Variants in CACNB4 observed in about 807,000 individuals in gnomAD.
CACNB4 encodes the protein calcium voltage-gated channel auxiliary subunit beta 4, also known as voltage-dependent L-type calcium channel subunit beta-4.
Under a neutral mutation model 71.2 loss-of-function variants are expected in CACNB4, and 32 were observed. The ratio of observed to expected loss-of-function variants is 0.45; its 90% CI spans 0.34 to 0.60. The LOEUF is 0.60. Among genes scored for constraint, CACNB4 ranks in the 20% least tolerant of loss-of-function variants. The probability of loss-of-function intolerance (pLI) is 0.01; values close to 1 mark genes in which losing one functional copy is unlikely to be tolerated. For synonymous variants in CACNB4, 231 were observed against 236.9 expected (o/e 0.97, Z 0.23); for missense variants, 464 against 647.9 (o/e 0.72, Z 3.08).
intron 2 of CACNB4, among the ~76,000 whole-genome samples, chr2:152,075,981 G>A (rs1447573760): frequency 6.6e-6 from 1 of 152,114 alleles, no homozygotes; most frequent in Non-Finnish European, 1.5e-5. Flanking sequence ...CCAAACTGTA[G>A]CTAATATCCC....
chr2:151,924,930 C>T (rs527960025), intron 2 of CACNB4, among the ~76,000 whole-genome samples: 4 of 152,154 alleles, frequency 2.6e-5, no homozygotes, highest in South Asian at 2.1e-4. Flanking sequence ...GCAATGCTTC[C>T]GGATGAAACT....
Position 151,838,418 on chromosome 2 carries a change from A to G in CACNB4, c.*701T>C, listed in dbSNP as rs191856472. 3.9e-5 allele frequency: 6 copies of G among 152,764 alleles called. No individual in the cohort carries two copies. Among genetic ancestry groups the G allele is most frequent in the African/African-American group, 1.4e-4 (6 of 41,574 alleles). The allele number at this position is 152,764 out of a possible 1,614,324, so 9.5% of individuals were successfully genotyped here. ...ACAAAAAGCAAAACACTTTGAATAC[A>G]ACAGCTGTGCCAGGAAAGAAATAAA... On this transcript the variant is annotated 3_prime_UTR_variant, in exon 14 of 14. Transcript: ENST00000539935.
intron 2 of CACNB4, among the ~76,000 whole-genome samples, chr2:151,942,324 A>G (rs1359844841): frequency 6.7e-6 from 1 of 149,224 alleles, no homozygotes; most frequent in South Asian, 2.1e-4. Context: ...TCCGTTCCCA[A>G]ATAATACTTT....
At position 152,057,432 on chromosome 2, in the gene CACNB4, C is replaced by T. The variant is rs552691770; in HGVS notation, c.147+40898G>A. On this transcript the variant is annotated intron_variant, in intron 2 of 13. Transcript: ENST00000539935. The stretch of plus-strand genomic sequence containing the variant: ...TTCATGCAACAATAATTAAGGAATA[C>T]AAAAACCTAAAAATAAACAAACTGC... Among the ~76,000 whole-genome samples the T allele has an allele frequency of 1.4e-4, 21 of 152,248 alleles. No homozygotes were observed. In the South Asian group the frequency reaches 3.9e-3, roughly 29 times the overall value.
At position 151,835,652 on chromosome 2, in the gene CACNB4, TA is replaced by T. The variant is rs2099834743; in HGVS notation, c.*3466del. On this transcript the variant is annotated 3_prime_UTR_variant, in exon 14 of 14. Transcript: ENST00000539935. Reference sequence around the variant, plus strand: ...AACAACATTTTGTGATATGTTCATTTAAAGAATTTAAATTTGCAAACCATCT... The same window carrying T: ...AACAACATTTTGTGATATGTTCATTTAAGAATTTAAATTTGCAAACCATCT... 2 of 151,908 alleles carry T rather than the reference TA, an allele frequency of 1.3e-5. No individual in the cohort carries two copies. Among genetic ancestry groups the T allele is most frequent in the African/African-American group, 4.8e-5 (2 of 41,432 alleles). 9.4% of individuals were successfully genotyped at this position (151,908 alleles called of 1,614,324 possible). A position where few individuals can be genotyped will look rare whatever the true frequency, so the allele number is the denominator to read the frequency against.
chr2:151,899,738 C>G (rs974860911), intron 2 of CACNB4, among the ~76,000 whole-genome samples: 3 of 152,134 alleles, frequency 2.0e-5, no homozygotes, highest in Non-Finnish European at 4.4e-5. Flanking sequence ...CCTAACAACA[C>G]TAGGTCATGT....
intron 2 of CACNB4, among the ~76,000 whole-genome samples, chr2:151,912,225 C>G (rs186295222): frequency 1.4e-3 from 212 of 152,296 alleles, no homozygotes; most frequent in African/African-American, 4.8e-3. Flanking sequence ...GATTAGCTTG[C>G]TCTTGCCTCT....
chr2:151,855,229 G>A lies in CACNB4; in HGVS notation c.1015C>T (p.Pro339Ser), dbSNP rs2099839982. ...PIIVHVKVSS[P>S]KVLQRLIKSR... ...GGCAGAAAGGAGCTAATTACCTTTG[G>A]AGATGAGACTTTTACATGAACAATA... Residue 339 changes from proline to serine, a missense_variant, in exon 11 of 14, where the codon CCA (proline) becomes TCA (serine). This residue lies in a region of CACNB4 where 299 missense variants were observed against 471.7 expected (regional missense o/e 0.63). Coordinates refer to ENST00000539935, the MANE Select transcript of CACNB4 (RefSeq NM_000726.5). 6 of 1,531,688 alleles carry A rather than the reference G, an allele frequency of 3.9e-6. No homozygotes were observed. Among genetic ancestry groups the A allele is most frequent in the Middle Eastern group, 3.5e-4 (2 of 5,724 alleles). The allele number at this position is 1,531,688 out of a possible 1,614,324, so 94.9% of individuals were successfully genotyped here. A position where few individuals can be genotyped will look rare whatever the true frequency, so the allele number is the denominator to read the frequency against.
chr2:151,921,407 T>C (rs2099858987), intron 2 of CACNB4, among the ~76,000 whole-genome samples: 1 of 152,130 alleles, frequency 6.6e-6, no homozygotes, highest in South Asian at 2.1e-4. Flanking sequence ...CATCTAAGAG[T>C]TTATTACTTA....
intron 2 of CACNB4, among the ~76,000 whole-genome samples, chr2:152,009,188 C>CAAA (rs756023829): frequency 5.0e-5 from 4 of 80,078 alleles, no homozygotes; most frequent in Admixed American, 1.4e-4. Flanking sequence ...GACCCTGTCT[C>CAAA]AAAAAAAAAA....
chr2:152,070,204 A>G (rs1686605854), intron 2 of CACNB4, among the ~76,000 whole-genome samples: 1 of 152,176 alleles, frequency 6.6e-6, no homozygotes, highest in Non-Finnish European at 1.5e-5. Flanking sequence ...AAAAATAAAC[A>G]TTTAAAAGTC....
In CACNB4 at chr2:152,045,746, C is replaced by G. The variant is rs565710598; in HGVS notation, c.147+52584G>C. Among the ~76,000 whole-genome samples, 25 of 152,220 alleles carry G rather than the reference C, an allele frequency of 1.6e-4. No individual in the cohort carries two copies. In the South Asian group the frequency reaches 5.2e-3, roughly 32 times the overall value. On this transcript the variant is annotated intron_variant, in intron 2 of 13. Coordinates refer to ENST00000539935, the MANE Select transcript of CACNB4 (RefSeq NM_000726.5). ...GACTGGAATTCCCAGTCCTACAGTT[C>G]CAAGAGAGTTCAGACGGTACCTTAG...
intron 2 of CACNB4, among the ~76,000 whole-genome samples, chr2:151,949,720 T>C (rs2099866445): frequency 6.6e-6 from 1 of 152,096 alleles, no homozygotes; most frequent in South Asian, 2.1e-4. Flanking sequence ...GGGTTTCATA[T>C]AGGTAAATAA....
At chr2:151,894,250 G>C (rs777951174) in intron 2 of CACNB4, among the ~76,000 whole-genome samples, 1 of 152,130 alleles carries the variant, frequency 6.6e-6, no homozygotes, top group Non-Finnish European at 1.5e-5. Context: ...TTATCAAGTG[G>C]GATTTATCCC....
intron 6 of CACNB4, chr2:151,872,097 G>T: frequency 3.7e-6 from 1 of 269,976 alleles, no homozygotes; most frequent in Admixed American, 5.6e-5. Context: ...TTTTTTATTG[G>T]CCTTCACCAT....
chr2:152,097,761 A>C (rs1688350447), intron 2 of CACNB4, among the ~76,000 whole-genome samples: 1 of 152,186 alleles, frequency 6.6e-6, no homozygotes, highest in Non-Finnish European at 1.5e-5. Flanking sequence ...TTCCTATTTA[A>C]CCAGATACAG....
At chr2:151,931,601 ACT>A (rs1384834284) in intron 2 of CACNB4, among the ~76,000 whole-genome samples, 2 of 152,142 alleles carry the variant, frequency 1.3e-5, no homozygotes, top group South Asian at 4.1e-4. Flanking sequence ...GGTCCCAGGA[ACT>A]CTCTGGCATT....
intron 2 of CACNB4, among the ~76,000 whole-genome samples, chr2:152,093,432 T>TGTGTGTGTGTGTGTG (rs1688094665): frequency 6.6e-6 from 1 of 151,926 alleles, no homozygotes; most frequent in Non-Finnish European, 1.5e-5. Context: ...TGTGTGTGTA[T>TGTGTGTGTGTGTGTG]TTTTACCCAT....
intron 2 of CACNB4, among the ~76,000 whole-genome samples, chr2:152,027,371 A>C (rs1470924846): frequency 1.3e-5 from 2 of 152,246 alleles, no homozygotes; most frequent in African/African-American, 4.8e-5. Context: ...GAACAAATCA[A>C]AGAGCTTACA....
Sources: gnomAD v4.1 joint callset for allele counts (sites outside exome capture counted in the v4.1 genomes callset) on GRCh38, gnomAD v4.1.1 for gene constraint, gnomAD v4.1.1 regional missense constraint, MANE v1.5 for transcripts, NCBI Gene and HGNC (gene_info 2026-07-23, HGNC 2026-07-21) for gene names.